TRAPPC10: variants seen among roughly 807,000 people sequenced by gnomAD.
TRAPPC10 encodes the protein trafficking protein particle complex subunit 10, also known as TRAPP 130 kDa subunit.
Under a neutral mutation model 125.5 loss-of-function variants are expected in TRAPPC10, and 23 were observed. The observed-to-expected ratio is 0.18, with a 90% CI of 0.13 to 0.26. The LOEUF (loss-of-function observed/expected upper bound fraction) is 0.26. Ranked by LOEUF, TRAPPC10 falls within the 10% of genes least tolerant of loss-of-function variation. The pLI is 1.00. For synonymous variants in TRAPPC10, 509 were observed against 518.0 expected (o/e 0.98, Z 0.24); for missense variants, 1,123 against 1,308.4 (o/e 0.86, Z 2.19).
At chr21:44,081,241 A>G (rs1325044956) in intron 13 of TRAPPC10, among the ~76,000 whole-genome samples, 3 of 151,360 alleles carry the variant, frequency 2.0e-5, no homozygotes, top group Non-Finnish European at 2.9e-5. Flanking sequence ...GCCCACTGCA[A>G]CCTCTGCTTT....
rs542080383 is a variant in TRAPPC10, at chr21:44,034,352, C to T, written c.149+2180C>T. ...CCCCAACCCCCCCCCCCACCCCCGCCGCCCCTCAGGAACCTGGAAAGTCTT... is the reference window on the plus strand; with the variant it reads ...CCCCAACCCCCCCCCCCACCCCCGCTGCCCCTCAGGAACCTGGAAAGTCTT... On this transcript the variant is annotated intron_variant, in intron 2 of 22. Transcript: ENST00000291574. Among the ~76,000 whole-genome samples the T allele has an allele frequency of 2.1e-4, 31 of 149,372 alleles. 1 individual carries two copies. In the East Asian group the frequency reaches 3.4e-3, roughly 16 times the overall value.
chr21:44,029,910 C>G (rs2033422074), intron 1 of TRAPPC10, among the ~76,000 whole-genome samples: 1 of 152,196 alleles, frequency 6.6e-6, no homozygotes, highest in African/African-American at 2.4e-5. Flanking sequence ...TTTTGTGGGA[C>G]ACAGTTCAGC....
At chr21:44,026,151 A>G (rs1444615284) in intron 1 of TRAPPC10, among the ~76,000 whole-genome samples, 1 of 152,048 alleles carries the variant, frequency 6.6e-6, no homozygotes, top group East Asian at 1.9e-4. Flanking sequence ...CTTTCTACCT[A>G]GAGAATCTGG....
chr21:44,084,277 C>G lies in TRAPPC10; in HGVS notation c.2380+14C>G. 6.2e-7 allele frequency: 1 copy of G among 1,611,736 alleles called. No homozygotes were observed. Among genetic ancestry groups the G allele is most frequent in the Non-Finnish European group, 8.5e-7 (1 of 1,179,236 alleles). ...AGCCGCTGGCTGGTGAGTGGGGTCCCCAGCCTTTGAGGAGGCGTGCTGCTG... is the reference window on the plus strand; with the variant it reads ...AGCCGCTGGCTGGTGAGTGGGGTCCGCAGCCTTTGAGGAGGCGTGCTGCTG... On this transcript the variant is annotated intron_variant, in intron 15 of 22. Transcript: ENST00000291574.
intron 14 of TRAPPC10, 147 bp from the exon 15 acceptor site, chr21:44,083,975 A>G (rs1402214074): frequency 1.0e-5 from 8 of 796,812 alleles, no homozygotes; most frequent in Non-Finnish European, 1.9e-6. Flanking sequence ...CCAAGCTTAG[A>G]GGTTTAGGCA....
At chr21:44,080,272 CTT>C (rs535677107) in intron 13 of TRAPPC10, 145 bp downstream of exon 13, 6 of 604,744 alleles carry the variant, frequency 9.9e-6, no homozygotes, top group South Asian at 2.3e-5. Flanking sequence ...TTTCACCTGA[CTT>C]TTTTTTTTAT....
At chr21:44,043,453 C>G (rs892881931) in intron 3 of TRAPPC10, among the ~76,000 whole-genome samples, 3 of 152,052 alleles carry the variant, frequency 2.0e-5, no homozygotes, top group African/African-American at 7.2e-5. Flanking sequence ...ACCTCGTGAT[C>G]CACCCGCCTC....
At chr21:44,031,889 C>T (rs868748945) in intron 1 of TRAPPC10, among the ~76,000 whole-genome samples, 6 of 152,258 alleles carry the variant, frequency 3.9e-5, no homozygotes, top group Middle Eastern at 3.4e-3. Context: ...GGAGGTGTCA[C>T]GAGGGTTCAG....
chr21:44,020,203 C>G (rs2032353214), intron 1 of TRAPPC10, among the ~76,000 whole-genome samples: 1 of 151,338 alleles, frequency 6.6e-6, no homozygotes. Flanking sequence ...TTACTGCAAG[C>G]TCCGACTCCG....
At chr21:44,093,584 C>G (rs998739383) in intron 19 of TRAPPC10, among the ~76,000 whole-genome samples, 7 of 152,072 alleles carry the variant, frequency 4.6e-5, no homozygotes, top group African/African-American at 1.7e-4. Context: ...ACGGTGAAAC[C>G]CTGTCTCTAC....
chr21:44,060,516 G>A (rs944828885), intron 6 of TRAPPC10, among the ~76,000 whole-genome samples: 22 of 152,066 alleles, frequency 1.4e-4, no homozygotes, highest in African/African-American at 5.1e-4. Flanking sequence ...TCCTGACCTC[G>A]TGATCCGCCT....
chr21:44,053,643 GT>G (rs1202544424), intron 4 of TRAPPC10, among the ~76,000 whole-genome samples: 1 of 152,204 alleles, frequency 6.6e-6, no homozygotes, highest in Non-Finnish European at 1.5e-5. Context: ...GCTTTTGCTA[GT>G]TACGAGGCTG....
chr21:44,012,352 C>A lies in TRAPPC10; in HGVS notation c.-142C>A, dbSNP rs1334821556. The A allele has an allele frequency of 3.8e-6, 1 of 261,926 alleles. No individual in the cohort carries two copies. Among genetic ancestry groups the A allele is most frequent in the Non-Finnish European group, 5.9e-6 (1 of 168,770 alleles). The allele number at this position is 261,926 out of a possible 1,614,324, so 16.2% of individuals were successfully genotyped here. On this transcript the variant is annotated 5_prime_UTR_variant, in exon 1 of 23. Coordinates refer to ENST00000291574, the MANE Select transcript of TRAPPC10 (RefSeq NM_003274.5). ...GGCTGAGGCCGGCAGCAGCGGGCGG[C>A]AGCTGCGGCGCAACCGGCTCCGGAG...
At chr21:44,058,062 G>A (rs118075963) in intron 5 of TRAPPC10, among the ~76,000 whole-genome samples, 4 of 152,174 alleles carry the variant, frequency 2.6e-5, no homozygotes, top group Admixed American at 6.5e-5. Flanking sequence ...CTGGGACGCC[G>A]TCAGTGTACA....
intron 1 of TRAPPC10, among the ~76,000 whole-genome samples, chr21:44,013,173 C>T (rs995112067): frequency 1.7e-4 from 26 of 151,544 alleles, no homozygotes; most frequent in African/African-American, 1.2e-4. Flanking sequence ...AACAGCCTCC[C>T]GCTCGAGTCT....
chr21:44,093,086 C>T (rs1449942950), intron 19 of TRAPPC10, among the ~76,000 whole-genome samples: 6 of 152,322 alleles, frequency 3.9e-5, no homozygotes, highest in South Asian at 2.1e-4. Flanking sequence ...CATGAGCCAC[C>T]ACCTCTAGCC....
At position 44,063,834 on chromosome 21, in the gene TRAPPC10, G is replaced by A. The variant is rs757283170; in HGVS notation, c.1038+49G>A. 3 of 1,579,362 alleles carry A rather than the reference G, an allele frequency of 1.9e-6. No individual in the cohort carries two copies. In the South Asian group the frequency reaches 3.5e-5, roughly 18 times the overall value. Reference sequence around the variant, plus strand: ...TACCCGTTTCTTGATTGTTCCAGCAGAAATCTCTGAACCTTGAGATCCCAG... The same window carrying A: ...TACCCGTTTCTTGATTGTTCCAGCAAAAATCTCTGAACCTTGAGATCCCAG... On this transcript the variant is annotated intron_variant, in intron 7 of 22. Transcript: ENST00000291574. The surrounding 1 kb of genome is among the most constrained non-coding windows in gnomAD (Gnocchi z 4.4).
At chr21:44,072,694 C>A (rs1054737117) in intron 7 of TRAPPC10, among the ~76,000 whole-genome samples, 1 of 152,144 alleles carries the variant, frequency 6.6e-6, no homozygotes, top group African/African-American at 2.4e-5. Context: ...AAACTCCTGA[C>A]CTCAGGTGAT....
At chr21:44,093,804 T>C (rs1485346632) in intron 19 of TRAPPC10, among the ~76,000 whole-genome samples, 1 of 152,194 alleles carries the variant, frequency 6.6e-6, no homozygotes, top group African/African-American at 2.4e-5. Context: ...TCATATGATA[T>C]AAAACTTATG....
Sources: gnomAD v4.1 joint callset for allele counts (sites outside exome capture counted in the v4.1 genomes callset) on GRCh38, gnomAD v4.1.1 for gene constraint, Gnocchi (gnomAD v3.1) non-coding constraint, MANE v1.5 for transcripts, NCBI Gene and HGNC (gene_info 2026-07-23, HGNC 2026-07-21) for gene names.